The following EPB41L4A variants were observed in gnomAD, a reference collection of about 807,000 sequenced individuals.
EPB41L4A encodes the protein erythrocyte membrane protein band 4.1 like 4A.
In EPB41L4A, 100 loss-of-function variants were observed where a neutral mutation model predicts 108.6. The ratio of observed to expected loss-of-function variants is 0.92; its 90% CI spans 0.78 to 1.09. The LOEUF is 1.09. EPB41L4A is among the 50% of genes least tolerant of loss of function. The pLI is 0.00. For missense variants in EPB41L4A, 1,030 were observed against 842.7 expected (o/e 1.22, Z -2.75); for synonymous variants, 319 against 289.0 (o/e 1.10, Z -1.05).
At chr5:112,332,639 T>C (rs1415384474) in intron 1 of EPB41L4A, among the ~76,000 whole-genome samples, 1 of 152,182 alleles carries the variant, frequency 6.6e-6, no homozygotes, top group Non-Finnish European at 1.5e-5. Flanking sequence ...CATTCTTTTT[T>C]TCCTAAGCCT....
At chr5:112,175,962 GT>G (rs1760840720) in intron 18 of EPB41L4A, among the ~76,000 whole-genome samples, 1 of 152,260 alleles carries the variant, frequency 6.6e-6, no homozygotes, top group South Asian at 2.1e-4. Flanking sequence ...AGCTGTAGTG[GT>G]TCCTAAATCC....
intron 17 of EPB41L4A, among the ~76,000 whole-genome samples, chr5:112,190,146 T>G (rs1761623277): frequency 6.6e-6 from 1 of 152,168 alleles, no homozygotes; most frequent in Non-Finnish European, 1.5e-5. Flanking sequence ...CTTCAAGAAT[T>G]CAATAGAATC....
At chr5:112,324,388 T>C (rs932345644) in intron 1 of EPB41L4A, among the ~76,000 whole-genome samples, 4 of 152,130 alleles carry the variant, frequency 2.6e-5, no homozygotes, top group Admixed American at 2.0e-4. Flanking sequence ...GATACAAAAC[T>C]AAAGCAGAGG....
chr5:112,311,161 G>A (rs1014871589), intron 1 of EPB41L4A, among the ~76,000 whole-genome samples: 3 of 152,024 alleles, frequency 2.0e-5, no homozygotes, highest in South Asian at 2.1e-4. Context: ...ACCACACCCG[G>A]CTACAGCATT....
At chr5:112,355,210 T>C (rs1384864407) in intron 1 of EPB41L4A, among the ~76,000 whole-genome samples, 1 of 152,238 alleles carries the variant, frequency 6.6e-6, no homozygotes, top group Non-Finnish European at 1.5e-5. Flanking sequence ...CTCACTTACT[T>C]GGAACTTGTA....
intron 1 of EPB41L4A, among the ~76,000 whole-genome samples, chr5:112,347,788 C>G (rs1419293235): frequency 6.6e-6 from 1 of 152,206 alleles, no homozygotes; most frequent in African/African-American, 2.4e-5. Flanking sequence ...GGGGCATCCC[C>G]TGTGTCTTCC....
At chr5:112,160,766 C>T (rs1759838422), downstream of EPB41L4A, 1 of 155,970 alleles carries the variant, frequency 6.4e-6, no homozygotes, top group African/African-American at 2.4e-5. Context: ...GGCGTCTCGC[C>T]ATAGCGCAGC....
At chr5:112,353,049 C>T (rs1427160767) in intron 1 of EPB41L4A, among the ~76,000 whole-genome samples, 1 of 152,168 alleles carries the variant, frequency 6.6e-6, no homozygotes, top group African/African-American at 2.4e-5. Flanking sequence ...ATTCTGGATA[C>T]ATACAGCAGT....
intron 2 of EPB41L4A, among the ~76,000 whole-genome samples, chr5:112,290,518 T>C (rs1561543913): frequency 6.6e-6 from 1 of 152,126 alleles, no homozygotes; most frequent in Non-Finnish European, 1.5e-5. Flanking sequence ...ATCCCGTGAG[T>C]GGACTCTAAA....
At chr5:112,165,914 C>T (rs1220554424) in intron 22 of EPB41L4A, among the ~76,000 whole-genome samples, 1 of 152,188 alleles carries the variant, frequency 6.6e-6, no homozygotes, top group African/African-American at 2.4e-5. Flanking sequence ...ATTCAAAAAG[C>T]ACTGATGGAA....
intron 2 of EPB41L4A, among the ~76,000 whole-genome samples, chr5:112,280,714 G>A (rs1367596143): frequency 6.6e-6 from 1 of 152,184 alleles, no homozygotes; most frequent in East Asian, 1.9e-4. Flanking sequence ...AGTACTTGCT[G>A]GGTCCCTGGT....
intron 2 of EPB41L4A, among the ~76,000 whole-genome samples, chr5:112,284,885 T>C (rs1467967110): frequency 6.6e-6 from 1 of 152,236 alleles, no homozygotes; most frequent in African/African-American, 2.4e-5. Context: ...GCTGCTTTCA[T>C]CCACCTTGGC....
intron 12 of EPB41L4A, among the ~76,000 whole-genome samples, chr5:112,146,604 T>C (rs549476000): frequency 2.0e-5 from 3 of 152,328 alleles, no homozygotes; most frequent in East Asian, 3.9e-4. Context: ...AAAAAATTTA[T>C]TTTTGTCTAG....
At chr5:112,235,991 T>C (rs1426067029) in intron 11 of EPB41L4A, among the ~76,000 whole-genome samples, 2 of 152,220 alleles carry the variant, frequency 1.3e-5, no homozygotes, top group African/African-American at 4.8e-5. Flanking sequence ...AAAGTTTCAT[T>C]ATTATAAATG....
At chr5:112,339,602 C>T (rs1237443618) in intron 1 of EPB41L4A, among the ~76,000 whole-genome samples, 2 of 149,790 alleles carry the variant, frequency 1.3e-5, no homozygotes, top group Non-Finnish European at 3.0e-5. Flanking sequence ...GGCCTGATAT[C>T]GGCTCACTGC....
At chr5:112,160,837 G>A (rs942121989), downstream of EPB41L4A, 1 of 156,124 alleles carries the variant, frequency 6.4e-6, no homozygotes, top group Admixed American at 6.5e-5. Context: ...TCCACTTGTA[G>A]AAAAGCATTG....
chr5:112,405,948 C>T (rs1241914629), intron 1 of EPB41L4A, among the ~76,000 whole-genome samples: 1 of 152,200 alleles, frequency 6.6e-6, no homozygotes, highest in Non-Finnish European at 1.5e-5. Flanking sequence ...ACAATAAGCT[C>T]TGAATATATT....
chr5:112,182,164 C>T (rs1761191574), intron 18 of EPB41L4A, among the ~76,000 whole-genome samples: 2 of 152,044 alleles, frequency 1.3e-5, no homozygotes. Context: ...TATTCTATAT[C>T]CTGACTGGCA....
intron 2 of EPB41L4A, among the ~76,000 whole-genome samples, chr5:112,305,162 G>A (rs886428622): frequency 1.3e-5 from 2 of 152,114 alleles, no homozygotes; most frequent in East Asian, 1.9e-4. Flanking sequence ...CTGATTATGC[G>A]AACTTGGGAA....
Sources: gnomAD v4.1 joint callset for allele counts (sites outside exome capture counted in the v4.1 genomes callset) on GRCh38, gnomAD v4.1.1 for gene constraint, MANE v1.5 for transcripts, NCBI Gene and HGNC (gene_info 2026-07-23, HGNC 2026-07-21) for gene names.